The following MAP3K5 variants were observed in gnomAD, a reference collection of about 807,000 sequenced individuals.
MAP3K5 encodes the protein ASK-1.
In MAP3K5, 56 loss-of-function variants were observed where a neutral mutation model predicts 158.7. The ratio of observed to expected loss-of-function variants is 0.35; its 90% CI spans 0.28 to 0.44. MAP3K5 has a LOEUF of 0.44. MAP3K5 is among the 20% of genes least tolerant of loss of function. The pLI, the probability that MAP3K5 is intolerant of heterozygous loss-of-function variation, is 1.00. For synonymous variants in MAP3K5, 579 were observed against 601.7 expected (o/e 0.96, Z 0.55); for missense variants, 1,294 against 1,674.8 (o/e 0.77, Z 3.97).
intron 2 of MAP3K5, among the ~76,000 whole-genome samples, chr6:136,707,694 G>C (rs1032393686): frequency 6.6e-5 from 10 of 152,214 alleles, no homozygotes; most frequent in African/African-American, 2.2e-4. Context: ...CAAGTACTCT[G>C]CTCTGTGAGC....
chr6:136,652,979 C>G (rs1049017147), intron 10 of MAP3K5, among the ~76,000 whole-genome samples: 1 of 152,174 alleles, frequency 6.6e-6, no homozygotes. Context: ...TTTATATATT[C>G]TTGCTTTTAG....
At chr6:136,702,122 C>A (rs1243206084) in intron 3 of MAP3K5, among the ~76,000 whole-genome samples, 1 of 152,012 alleles carries the variant, frequency 6.6e-6, no homozygotes, top group Non-Finnish European at 1.5e-5. Context: ...AGGGTTTTCC[C>A]AAGTTCTAGG....
intron 1 of MAP3K5, among the ~76,000 whole-genome samples, chr6:136,727,691 T>C (rs548451917): frequency 3.3e-5 from 5 of 152,388 alleles, no homozygotes; most frequent in African/African-American, 1.2e-4. Flanking sequence ...CCAGGCGCAG[T>C]GGCTCACACC....
chr6:136,649,972 A>T (rs963445997), intron 11 of MAP3K5, among the ~76,000 whole-genome samples: 1 of 151,908 alleles, frequency 6.6e-6, no homozygotes, highest in African/African-American at 2.4e-5. Context: ...GCAAGCCCAT[A>T]CTCCCAAATT....
intron 23 of MAP3K5, among the ~76,000 whole-genome samples, chr6:136,588,939 T>C (rs955960600): frequency 2.0e-5 from 3 of 152,356 alleles, no homozygotes; most frequent in Middle Eastern, 6.8e-3. Context: ...GTCAAGGTTT[T>C]TGAGAGTGTG....
At chr6:136,761,326 G>T (rs1299231386) in intron 1 of MAP3K5, among the ~76,000 whole-genome samples, 5 of 150,622 alleles carry the variant, frequency 3.3e-5, no homozygotes, top group Admixed American at 6.6e-5. Context: ...CAGCCAGGAG[G>T]CTGGCCACTA....
At chr6:136,592,107 C>T (rs1775412284) in intron 23 of MAP3K5, 66 bp downstream of exon 23, 1 of 1,409,174 alleles carries the variant, frequency 7.1e-7, no homozygotes, top group Non-Finnish European at 9.6e-7. Flanking sequence ...GTGACAGCTG[C>T]AGGCGGTTAG....
intron 1 of MAP3K5, among the ~76,000 whole-genome samples, chr6:136,745,847 C>A (rs1231936822): frequency 6.6e-6 from 1 of 152,082 alleles, no homozygotes; most frequent in Non-Finnish European, 1.5e-5. Context: ...TAGATAATTC[C>A]GAGGAGAGTT....
intron 1 of MAP3K5, among the ~76,000 whole-genome samples, chr6:136,751,174 T>A (rs1476675819): frequency 6.6e-6 from 1 of 150,976 alleles, no homozygotes; most frequent in Non-Finnish European, 1.5e-5. Flanking sequence ...GGCTTATGAT[T>A]TTACCACCTT....
intron 9 of MAP3K5, among the ~76,000 whole-genome samples, chr6:136,656,987 A>G (rs957693290): frequency 4.6e-5 from 7 of 152,178 alleles, no homozygotes; most frequent in African/African-American, 1.4e-4. Flanking sequence ...TTTTATCCCT[A>G]TTTTAGAGAG....
intron 7 of MAP3K5, among the ~76,000 whole-genome samples, chr6:136,678,669 A>G (rs773078633): frequency 1.1e-4 from 17 of 151,880 alleles, no homozygotes; most frequent in African/African-American, 3.9e-4. Flanking sequence ...AGTTATTTCC[A>G]CTCCTGTTGA....
At chr6:136,737,372 T>C (rs1204075498) in intron 1 of MAP3K5, among the ~76,000 whole-genome samples, 1 of 151,854 alleles carries the variant, frequency 6.6e-6, no homozygotes, top group Non-Finnish European at 1.5e-5. Flanking sequence ...CCTGCACATG[T>C]ATCCTCTGAA....
Position 136,722,252 on chromosome 6 carries a change from A to G in MAP3K5, c.449-1663T>C, listed in dbSNP as rs1002401326. 3.9e-5 allele frequency among the ~76,000 whole-genome samples: 6 copies of G among 152,372 alleles called. No homozygotes were observed. The East Asian group carries it at 1.2e-3, about 29-fold the overall frequency. ...ACAAAGAGCTTCCTTTGCAATTGCAATAAACATTTAGGAAATATAAAACAG... is the reference window on the plus strand; with the variant it reads ...ACAAAGAGCTTCCTTTGCAATTGCAGTAAACATTTAGGAAATATAAAACAG... On this transcript the variant is annotated intron_variant, in intron 1 of 29. Transcript: ENST00000359015.
intron 1 of MAP3K5, among the ~76,000 whole-genome samples, chr6:136,760,607 G>T (rs1183655560): frequency 6.6e-6 from 1 of 152,094 alleles, no homozygotes; most frequent in Non-Finnish European, 1.5e-5. Flanking sequence ...ATAATATTAC[G>T]AGGTGAGGGC....
At chr6:136,774,979 G>A (rs982620162) in intron 1 of MAP3K5, among the ~76,000 whole-genome samples, 2 of 152,054 alleles carry the variant, frequency 1.3e-5, no homozygotes, top group Admixed American at 6.5e-5. Flanking sequence ...AAGACCTATG[G>A]AGCAACAGCT....
intron 23 of MAP3K5, among the ~76,000 whole-genome samples, chr6:136,584,817 T>C (rs545159534): frequency 6.6e-6 from 1 of 152,296 alleles, no homozygotes; most frequent in Admixed American, 6.5e-5. Context: ...CTGTTTTCAG[T>C]GTCTGTGAGA....
At chr6:136,767,926 A>C (rs1294359165) in intron 1 of MAP3K5, among the ~76,000 whole-genome samples, 1 of 152,194 alleles carries the variant, frequency 6.6e-6, no homozygotes, top group Non-Finnish European at 1.5e-5. Flanking sequence ...TGATACGAAA[A>C]TCCAATGGCG....
chr6:136,771,109 G>A (rs1481889349), intron 1 of MAP3K5, among the ~76,000 whole-genome samples: 2 of 152,108 alleles, frequency 1.3e-5, no homozygotes, highest in African/African-American at 2.4e-5. Context: ...GGAGAGTAGA[G>A]CAGATGCTTA....
chr6:136,585,446 G>C (rs9376211), intron 23 of MAP3K5, among the ~76,000 whole-genome samples: 15,723 of 143,862 alleles, frequency 0.11, 1,083 homozygotes, highest in East Asian at 0.23. Context: ...CTTTGAGCAA[G>C]GCATATTGCT....
Sources: gnomAD v4.1 joint callset for allele counts (sites outside exome capture counted in the v4.1 genomes callset) on GRCh38, gnomAD v4.1.1 for gene constraint, MANE v1.5 for transcripts, NCBI Gene and HGNC (gene_info 2026-07-23, HGNC 2026-07-21) for gene names.